TMTC4: variants seen among roughly 807,000 people sequenced by gnomAD.
The protein encoded by TMTC4 is transmembrane O-mannosyltransferase targeting cadherins 4.
Under a neutral mutation model 86.0 loss-of-function variants are expected in TMTC4, and 65 were observed. The ratio of observed to expected loss-of-function variants is 0.76; its 90% confidence interval spans 0.62 to 0.93. The LOEUF (loss-of-function observed/expected upper bound fraction) is 0.93. Ranked by LOEUF, TMTC4 falls within the 40% of genes least tolerant of loss-of-function variation. TMTC4 has a pLI of 0.00. For synonymous variants in TMTC4, 379 were observed against 382.5 expected, an observed-to-expected ratio of 0.99 and a Z score of 0.11; for missense variants, 866 against 948.1, an observed-to-expected ratio of 0.91 and a Z score of 1.14.
chr13:100,675,045 A>G (rs905360648), upstream of TMTC4: 5 of 985,476 alleles, frequency 5.1e-6, no homozygotes, highest in Non-Finnish European at 6.0e-6. Flanking sequence ...TCGGCGGCGA[A>G]GGAGGCGCAG....
At chr13:100,674,496 G>A (rs1384114471) in intron 1 of TMTC4, 2 of 786,498 alleles carry the variant, frequency 2.5e-6, no homozygotes, top group Admixed American at 1.4e-4. Context: ...GCGGCGGGCG[G>A]GGCGCGCAGC....
chr13:100,646,054 C>T (rs1348412589), intron 6 of TMTC4, among the ~76,000 whole-genome samples: 1 of 152,102 alleles, frequency 6.6e-6, no homozygotes, highest in African/African-American at 2.4e-5. Context: ...GGTGTGTGGT[C>T]CATGAACCTG....
chr13:100,670,396 A>G lies in TMTC4; in HGVS notation c.-34T>C. 1.3e-6 allele frequency: 2 copies of G among 1,598,856 alleles called. No homozygotes were observed. The highest frequency in any genetic ancestry group is 1.7e-6 in the Non-Finnish European group (2 of 1,174,808). ...GATGCTGTCCCCTTCCAGGGGCCAGAAGGAGGCTCAGATTTACAATCCAGA... is the reference window on the plus strand; with the variant it reads ...GATGCTGTCCCCTTCCAGGGGCCAGGAGGAGGCTCAGATTTACAATCCAGA... On this transcript the variant is annotated 5_prime_UTR_variant, in exon 2 of 19. Transcript: ENST00000342624.
At chr13:100,659,201 C>T (rs778927543) in intron 5 of TMTC4, among the ~76,000 whole-genome samples, 4 of 152,140 alleles carry the variant, frequency 2.6e-5, no homozygotes, top group Non-Finnish European at 5.9e-5. Flanking sequence ...GAAGGTTTCC[C>T]CTCCCGATTC....
At chr13:100,653,614 T>C (rs1388237099) in intron 6 of TMTC4, among the ~76,000 whole-genome samples, 1 of 152,178 alleles carries the variant, frequency 6.6e-6, no homozygotes, top group Non-Finnish European at 1.5e-5. Context: ...CACGTGGCTC[T>C]GCGCCTCCAG....
intron 15 of TMTC4, among the ~76,000 whole-genome samples, chr13:100,617,127 A>AAT: frequency 6.8e-6 from 1 of 147,872 alleles, no homozygotes; most frequent in Non-Finnish European, 1.5e-5. Flanking sequence ...TTCTTCTAGG[A>AAT]TTTTTTTTTT....
chr13:100,674,527 C>G (rs1887587377), intron 1 of TMTC4: 1 of 980,076 alleles, frequency 1.0e-6, no homozygotes, highest in South Asian at 4.7e-5. Flanking sequence ...CGCCCTTTGT[C>G]CCATGTGCGG....
intron 6 of TMTC4, among the ~76,000 whole-genome samples, chr13:100,644,511 C>G (rs1883462332): frequency 6.6e-6 from 1 of 152,194 alleles, no homozygotes; most frequent in Admixed American, 6.5e-5. Context: ...ATGAGCAGGA[C>G]TAACTCCTGA....
chr13:100,622,235 C>T (rs748859705), intron 15 of TMTC4, among the ~76,000 whole-genome samples: 27 of 152,334 alleles, frequency 1.8e-4, no homozygotes, highest in Non-Finnish European at 1.0e-4. Flanking sequence ...TCCATGAGTT[C>T]AGCCACATTC....
intron 6 of TMTC4, among the ~76,000 whole-genome samples, chr13:100,645,964 C>A (rs1057253016): frequency 9.2e-5 from 14 of 152,206 alleles, no homozygotes; most frequent in Admixed American, 9.2e-4. Flanking sequence ...ACAGATATTG[C>A]CGGATGTCAG....
chr13:100,664,639 G>A (rs1886190905), intron 3 of TMTC4, among the ~76,000 whole-genome samples: 1 of 152,048 alleles, frequency 6.6e-6, no homozygotes, highest in African/African-American at 2.4e-5. Flanking sequence ...CCAACCCAGG[G>A]GCTCTGCACG....
chr13:100,635,284 C>T, intron 10 of TMTC4, 89 bp from the exon 11 acceptor site: 2 of 1,329,774 alleles, frequency 1.5e-6, no homozygotes, highest in East Asian at 2.6e-5. Flanking sequence ...TGCTAAAGAC[C>T]TTTTCTTTTC....
intron 16 of TMTC4, 62 bp from the exon 17 acceptor site, chr13:100,612,572 C>G: frequency 8.1e-7 from 1 of 1,236,822 alleles, no homozygotes. Flanking sequence ...TTTAGCTTCT[C>G]TCTATAACTA....
At chr13:100,672,564 C>T (rs1887255007) in intron 1 of TMTC4, among the ~76,000 whole-genome samples, 1 of 152,206 alleles carries the variant, frequency 6.6e-6, no homozygotes, top group South Asian at 2.1e-4. Flanking sequence ...GATCATAGCT[C>T]ACCACAGCTT....
intron 16 of TMTC4, 71 bp downstream of exon 16, chr13:100,614,245 T>C (rs112678393): frequency 1.7e-6 from 2 of 1,147,754 alleles, no homozygotes; most frequent in African/African-American, 1.5e-5. Flanking sequence ...ATAATCTCTA[T>C]TTCCTAAGTC....
intron 6 of TMTC4, among the ~76,000 whole-genome samples, chr13:100,652,744 A>G (rs2138975901): frequency 6.6e-6 from 1 of 152,280 alleles, no homozygotes. Context: ...AGGAAGGAAA[A>G]AGTCAACAGG....
chr13:100,617,124 A>G (rs1452428281), intron 15 of TMTC4, among the ~76,000 whole-genome samples: 1 of 136,866 alleles, frequency 7.3e-6, no homozygotes, highest in African/African-American at 2.6e-5. Context: ...GTTTTCTTCT[A>G]GGATTTTTTT....
chr13:100,660,910 T>C (rs1594365044), intron 5 of TMTC4, among the ~76,000 whole-genome samples: 2 of 152,270 alleles, frequency 1.3e-5, no homozygotes, highest in East Asian at 3.9e-4. Flanking sequence ...TGCTTCGGCC[T>C]CCCGAAGTGC....
At chr13:100,661,295 G>A (rs890643498) in intron 5 of TMTC4, among the ~76,000 whole-genome samples, 9 of 152,276 alleles carry the variant, frequency 5.9e-5, no homozygotes, top group South Asian at 4.1e-4. Flanking sequence ...GAATGTGTGC[G>A]TGTGAGTGTG....
Sources: gnomAD v4.1 joint callset for allele counts (sites outside exome capture counted in the v4.1 genomes callset) on GRCh38, gnomAD v4.1.1 for gene constraint, MANE v1.5 for transcripts, NCBI Gene and HGNC (gene_info 2026-07-23, HGNC 2026-07-21) for gene names.